Variants in CABIN1 observed in about 807,000 individuals in gnomAD.
CABIN1 encodes calcineurin binding protein 1.
In CABIN1, 133 loss-of-function variants were observed where a neutral mutation model predicts 227.7. The ratio of observed to expected loss-of-function variants is 0.58; its 90% CI spans 0.51 to 0.67. The LOEUF (loss-of-function observed/expected upper bound fraction) is 0.67, where lower values mean the gene tolerates loss of function less well. Among genes scored for constraint, CABIN1 ranks in the 30% least tolerant of loss-of-function variants. CABIN1 has a pLI of 0.00. For missense variants in CABIN1, 2,408 were observed against 2,852.5 expected (o/e 0.84, Z 3.55); for synonymous variants, 1,086 against 1,155.1 (o/e 0.94, Z 1.21).
intron 26 of CABIN1, among the ~76,000 whole-genome samples, chr22:24,099,920 G>A (rs1300498038): frequency 1.3e-5 from 2 of 152,212 alleles, no homozygotes; most frequent in Admixed American, 6.5e-5. Flanking sequence ...AAGGAGGGAG[G>A]CAGGAGCGCC....
At chr22:24,101,590 G>C (rs903393763) in intron 26 of CABIN1, 1 of 152,262 alleles carries the variant, frequency 6.6e-6, no homozygotes, top group Non-Finnish European at 1.5e-5. Context: ...GAACAACAGA[G>C]AGAGAAGCTT....
At chr22:24,047,262 G>T (rs1012471450) in intron 6 of CABIN1, among the ~76,000 whole-genome samples, 1 of 152,218 alleles carries the variant, frequency 6.6e-6, no homozygotes. Context: ...TTGACTCTCA[G>T]TGGCATTTTA....
chr22:24,131,360 C>T (rs1331057591), intron 28 of CABIN1, among the ~76,000 whole-genome samples: 1 of 152,176 alleles, frequency 6.6e-6, no homozygotes, highest in African/African-American at 2.4e-5. Context: ...GGCCTGTGCC[C>T]TGGGTCATGA....
At chr22:24,075,618 G>A (rs1445235630) in intron 18 of CABIN1, among the ~76,000 whole-genome samples, 2 of 152,104 alleles carry the variant, frequency 1.3e-5, no homozygotes, top group South Asian at 2.1e-4. Flanking sequence ...GGTAGCTCGC[G>A]CCTGTAGTCC....
At chr22:24,075,598 A>T (rs1305822202) in intron 18 of CABIN1, among the ~76,000 whole-genome samples, 2 of 152,134 alleles carry the variant, frequency 1.3e-5, no homozygotes, top group African/African-American at 2.4e-5. Flanking sequence ...TTAAAAAATT[A>T]GCTGGGTGTG....
intron 28 of CABIN1, among the ~76,000 whole-genome samples, chr22:24,131,131 C>G (rs1438542109): frequency 6.6e-6 from 1 of 152,178 alleles, no homozygotes; most frequent in Admixed American, 6.5e-5. Context: ...CTCTTGTGTC[C>G]CCAGCCAGAA....
intron 28 of CABIN1, among the ~76,000 whole-genome samples, chr22:24,124,373 G>A (rs1157988200): frequency 6.6e-6 from 1 of 152,208 alleles, no homozygotes; most frequent in Non-Finnish European, 1.5e-5. Context: ...CTCCCTGCCT[G>A]GGGCATAGTG....
chr22:24,038,213 T>G (rs2037074137), intron 3 of CABIN1, 135 bp from the exon 4 acceptor site: 2 of 690,670 alleles, frequency 2.9e-6, no homozygotes, highest in Non-Finnish European at 5.3e-6. Flanking sequence ...AGTTGGGAGG[T>G]GGGGGAGCTG....
At chr22:24,133,527 G>A (rs1434946934) in intron 28 of CABIN1, among the ~76,000 whole-genome samples, 1 of 152,232 alleles carries the variant, frequency 6.6e-6, no homozygotes, top group African/African-American at 2.4e-5. Context: ...GGGACAGTGG[G>A]TGCCGTGGAA....
intron 29 of CABIN1, among the ~76,000 whole-genome samples, chr22:24,150,787 A>G (rs767399138): frequency 3.9e-5 from 6 of 152,220 alleles, no homozygotes; most frequent in Non-Finnish European, 8.8e-5. Context: ...AAATTCTGCT[A>G]TTCTCCAGTG....
At chr22:24,098,406 C>A in intron 26 of CABIN1, 2 of 1,002,258 alleles carry the variant, frequency 2.0e-6, no homozygotes, top group Non-Finnish European at 2.9e-6. Flanking sequence ...CCAGCTTGCC[C>A]ACCTGGGAGC....
Position 24,166,772 on chromosome 22 carries a change from G to A in CABIN1, c.5141G>A (p.Gly1714Asp), listed in dbSNP as rs2046470204. ...PQPKKPPLAD[G>D]SGPGPEPGGK... is the part of the protein sequence containing the mutation. ...CCGAAGAAGCCCCCTCTGGCTGATG[G>A]CTCAGGGCCAGGGCCCGAGCCAGGA... The change falls in exon 32 of 37, where the codon GGC (glycine) becomes GAC (aspartate). Residue 1714 changes from glycine (G) to aspartate (D), a missense_variant. By Grantham distance (94) the Gly-to-Asp change is moderately conservative. Around this residue, in one of 3 missense-constraint regions of CABIN1, gnomAD observed 714 missense variants for 773.8 expected, o/e 0.92. Coordinates refer to ENST00000263119, the MANE Select transcript of CABIN1 (RefSeq NM_012295.4). The A allele has an allele frequency of 1.2e-6, 2 of 1,612,842 alleles. No homozygotes were observed. Among genetic ancestry groups the A allele is most frequent in the Admixed American group, 1.7e-5 (1 of 60,002 alleles).
At chr22:24,138,488 A>C (rs140744558) in intron 29 of CABIN1, among the ~76,000 whole-genome samples, 154 of 152,326 alleles carry the variant, frequency 1.0e-3, no homozygotes, top group African/African-American at 3.6e-3. Context: ...CATCCCCCAC[A>C]TCAGTCACTA....
Position 24,033,063 on chromosome 22 carries a change from GA to G in CABIN1, c.-74-2380del, listed in dbSNP as rs537917329. On this transcript the variant is annotated intron_variant, in intron 1 of 36. Transcript: ENST00000263119. The stretch of plus-strand genomic sequence containing the variant: ...ACTGCACTCCAGCCTAGGCAACAGG[GA>G]GAGACTCCGTCTCAAAGAAACAAAA... Among the ~76,000 whole-genome samples, 124 of 152,312 alleles carry G rather than the reference GA, an allele frequency of 8.1e-4. 1 individual carries two copies. Among genetic ancestry groups the G allele is most frequent in the African/African-American group, 2.8e-3 (117 of 41,576 alleles).
intron 10 of CABIN1, 111 bp from the exon 11 acceptor site, chr22:24,059,116 A>C: frequency 7.0e-7 from 1 of 1,436,776 alleles, no homozygotes; most frequent in Non-Finnish European, 9.7e-7. Context: ...CCACCCACTT[A>C]TTTTAGCTGC....
At chr22:24,128,313 G>A (rs1430861780) in intron 28 of CABIN1, among the ~76,000 whole-genome samples, 2 of 151,202 alleles carry the variant, frequency 1.3e-5, no homozygotes, top group African/African-American at 4.9e-5. Flanking sequence ...GGGGGAGGGT[G>A]GGCACAGCTT....
Position 24,043,069 on chromosome 22 carries a change from C to T in CABIN1, c.511C>T (p.Leu171Phe). The T allele has an allele frequency of 1.2e-6, 2 of 1,613,856 alleles. No homozygotes were observed. The highest frequency in any genetic ancestry group is 1.7e-6 in the Non-Finnish European group (2 of 1,179,890). ...TAACCTAATCACTGTCCTGTACACC[C>T]TCAGTGATTACACAAGTGAGTCATG... ...LDNLITVLYT[L>F]SDYTTCLYFI... The change falls in exon 6 of 37, where the codon CTC becomes TTC. Residue 171 changes from leucine (L) to phenylalanine (F), a missense_variant. By Grantham distance (22) the Leu-to-Phe change is conservative (BLOSUM62 0). Around this residue, in one of 3 missense-constraint regions of CABIN1, gnomAD observed 1,045 missense variants for 1,168.4 expected, o/e 0.89. Transcript: ENST00000263119.
At chr22:24,069,516 T>C (rs1333570619) in intron 16 of CABIN1, among the ~76,000 whole-genome samples, 1 of 152,224 alleles carries the variant, frequency 6.6e-6, no homozygotes, top group Non-Finnish European at 1.5e-5. Context: ...AGCAGGTCCT[T>C]GTCTTGTCCC....
chr22:24,014,694 C>T (rs773883889), intron 1 of CABIN1, among the ~76,000 whole-genome samples: 6 of 152,090 alleles, frequency 3.9e-5, no homozygotes, highest in Non-Finnish European at 7.4e-5. Flanking sequence ...GTTGTTTTTG[C>T]GGTATGAATT....
Sources: gnomAD v4.1 joint callset for allele counts (sites outside exome capture counted in the v4.1 genomes callset) on GRCh38, gnomAD v4.1.1 for gene constraint, gnomAD v4.1.1 regional missense constraint, MANE v1.5 for transcripts, NCBI Gene and HGNC (gene_info 2026-07-23, HGNC 2026-07-21) for gene names.